Variants in MEOX2 observed in about 807,000 individuals in gnomAD.
MEOX2 encodes homeobox protein MOX-2.
Under a neutral mutation model 27.0 loss-of-function variants are expected in MEOX2, and 11 were observed. The ratio of observed to expected loss-of-function variants is 0.41; its 90% confidence interval spans 0.26 to 0.68. MEOX2 has a LOEUF of 0.68. Among genes scored for constraint, MEOX2 ranks in the 30% least tolerant of loss-of-function variants. The probability of loss-of-function intolerance (pLI) is 0.33; values close to 1 mark genes in which losing one functional copy is unlikely to be tolerated. For synonymous variants in MEOX2, 189 were observed against 155.4 expected, an observed-to-expected ratio of 1.22 and a Z score of -1.61; for missense variants, 436 against 385.4, an observed-to-expected ratio of 1.13 and a Z score of -1.10.
chr7:15,686,175 G>A lies in MEOX2; in HGVS notation c.228C>T (p.His76=), dbSNP rs774347485. 2 of 211,558 alleles carry A rather than the reference G, an allele frequency of 9.5e-6. No individual in the cohort carries two copies. Among genetic ancestry groups the A allele is most frequent in the East Asian group, 1.2e-3 (2 of 1,644 alleles). 13.1% of individuals were successfully genotyped at this position (211,558 alleles called of 1,614,324 possible). Residue 76 remains histidine, a synonymous_variant, in exon 1 of 3, where the codon CAC becomes CAT. Transcript: ENST00000262041. ...RGHHHHHHHH[H]HHHHQQQQHQ... ...GCTGCTGCTGCTGATGGTGGTGATG[G>A]TGGTGGTGGTGGTGGTGGTGGTGGT...
At chr7:15,684,369 C>T (rs547566890) in intron 1 of MEOX2, among the ~76,000 whole-genome samples, 1 of 152,256 alleles carries the variant, frequency 6.6e-6, no homozygotes, top group African/African-American at 2.4e-5. Flanking sequence ...CTATGATTAA[C>T]CTTTCAACTC....
chr7:15,657,058 C>G (rs2115380890), intron 1 of MEOX2, among the ~76,000 whole-genome samples: 1 of 152,240 alleles, frequency 6.6e-6, no homozygotes, highest in South Asian at 2.1e-4. Context: ...AATTTACTAT[C>G]ATTGAAAAAT....
chr7:15,674,122 G>T (rs1325262677), intron 1 of MEOX2, among the ~76,000 whole-genome samples: 1 of 152,060 alleles, frequency 6.6e-6, no homozygotes, highest in African/African-American at 2.4e-5. Flanking sequence ...ACATATTATT[G>T]ATTGACATTA....
intron 1 of MEOX2, chr7:15,679,002 T>C (rs770104979): frequency 2.0e-5 from 3 of 152,224 alleles, no homozygotes; most frequent in Non-Finnish European, 4.4e-5. Context: ...GGGACTTTTA[T>C]AACTATCATT....
At chr7:15,653,947 A>C (rs1426405262) in intron 1 of MEOX2, among the ~76,000 whole-genome samples, 1 of 151,942 alleles carries the variant, frequency 6.6e-6, no homozygotes, top group East Asian at 1.9e-4. Context: ...GTCTACAGAA[A>C]TTCTTGTTGG....
chr7:15,619,767 A>C (rs1781191324), intron 2 of MEOX2, among the ~76,000 whole-genome samples: 1 of 152,106 alleles, frequency 6.6e-6, no homozygotes, highest in South Asian at 2.1e-4. Context: ...TCTTAAGGCC[A>C]GTTCAATAAA....
chr7:15,620,793 T>C (rs1781210571), intron 2 of MEOX2, among the ~76,000 whole-genome samples: 1 of 152,238 alleles, frequency 6.6e-6, no homozygotes, highest in South Asian at 2.1e-4. Flanking sequence ...CCATTTATCT[T>C]GGCAGAAGTA....
At chr7:15,652,608 T>C (rs1012901971) in intron 1 of MEOX2, among the ~76,000 whole-genome samples, 2 of 152,070 alleles carry the variant, frequency 1.3e-5, no homozygotes, top group African/African-American at 4.8e-5. Context: ...TCTTTTTAAT[T>C]AGGTTAATCT....
intron 2 of MEOX2, among the ~76,000 whole-genome samples, chr7:15,624,650 C>T (rs1308386932): frequency 6.6e-6 from 1 of 152,134 alleles, no homozygotes; most frequent in African/African-American, 2.4e-5. Context: ...AGCCCACCAG[C>T]TGACTGGAGC....
At chr7:15,652,189 GC>G (rs1562606139) in intron 1 of MEOX2, among the ~76,000 whole-genome samples, 1 of 151,974 alleles carries the variant, frequency 6.6e-6, no homozygotes, top group Non-Finnish European at 1.5e-5. Flanking sequence ...GCAGTAACAT[GC>G]TTTTACTGTT....
chr7:15,611,696 G>A lies in MEOX2; in HGVS notation c.*691C>T, dbSNP rs956133576. ...TTTTTCTCTACTTGAACACAGGTAAGCACATACTGATTGTCTCTGGGATGA... is the reference window on the plus strand; with the variant it reads ...TTTTTCTCTACTTGAACACAGGTAAACACATACTGATTGTCTCTGGGATGA... On this transcript the variant is annotated 3_prime_UTR_variant, in exon 3 of 3. Transcript: ENST00000262041. 2.0e-5 allele frequency: 3 copies of A among 152,918 alleles called. No homozygotes were observed. The highest frequency in any genetic ancestry group is 2.9e-5 in the Non-Finnish European group (2 of 68,284). 9.5% of individuals were successfully genotyped at this position (152,918 alleles called of 1,614,324 possible).
chr7:15,626,681 G>T, intron 2 of MEOX2, 65 bp downstream of exon 2: 3 of 1,174,198 alleles, frequency 2.6e-6, no homozygotes, highest in South Asian at 1.5e-5. Flanking sequence ...TTTCAAATAT[G>T]GCAAAGAAGA....
At chr7:15,614,623 T>C (rs938979545) in intron 2 of MEOX2, among the ~76,000 whole-genome samples, 1 of 152,190 alleles carries the variant, frequency 6.6e-6, no homozygotes, top group Non-Finnish European at 1.5e-5. Flanking sequence ...TATGCATAGC[T>C]TTATTGCTGT....
At chr7:15,679,402 T>C (rs543037958) in intron 1 of MEOX2, 20 of 152,246 alleles carry the variant, frequency 1.3e-4, no homozygotes, top group African/African-American at 2.6e-4. Flanking sequence ...TTTTAATCAA[T>C]GTAGCCTATG....
intron 1 of MEOX2, among the ~76,000 whole-genome samples, chr7:15,675,610 C>G (rs1782180590): frequency 6.6e-6 from 1 of 152,212 alleles, no homozygotes; most frequent in Non-Finnish European, 1.5e-5. Context: ...GGCACATTCC[C>G]TCATCTAGGA....
chr7:15,616,200 T>C (rs1031601756), intron 2 of MEOX2, among the ~76,000 whole-genome samples: 1 of 151,816 alleles, frequency 6.6e-6, no homozygotes, highest in South Asian at 2.1e-4. Context: ...TACTATTTTA[T>C]TTAAAACCTA....
chr7:15,670,964 A>G (rs1782084997), intron 1 of MEOX2, among the ~76,000 whole-genome samples: 1 of 152,206 alleles, frequency 6.6e-6, no homozygotes, highest in Non-Finnish European at 1.5e-5. Context: ...AAATAATAAG[A>G]TATCTGAGAT....
intron 1 of MEOX2, among the ~76,000 whole-genome samples, chr7:15,660,569 T>A (rs1374826121): frequency 6.6e-6 from 1 of 152,092 alleles, no homozygotes; most frequent in Non-Finnish European, 1.5e-5. Flanking sequence ...TATTCCCGCC[T>A]CCGACTTGTG....
intron 1 of MEOX2, among the ~76,000 whole-genome samples, chr7:15,654,213 T>A (rs1781785347): frequency 6.6e-6 from 1 of 151,972 alleles, no homozygotes; most frequent in Non-Finnish European, 1.5e-5. Context: ...TAATTGCCAG[T>A]TAACAGAAAT....
Sources: gnomAD v4.1 joint callset for allele counts (sites outside exome capture counted in the v4.1 genomes callset) on GRCh38, gnomAD v4.1.1 for gene constraint, MANE v1.5 for transcripts, NCBI Gene and HGNC (gene_info 2026-07-23, HGNC 2026-07-21) for gene names.